NDUFAF6: variants seen among roughly 807,000 people sequenced by gnomAD.
The protein encoded by NDUFAF6 is NADH:ubiquinone oxidoreductase complex assembly factor 6.
A neutral mutation model predicts 40.8 loss-of-function variants in NDUFAF6; 45 were observed. The observed-to-expected ratio is 1.10, with a 90% CI of 0.87 to 1.42. The LOEUF is 1.42. Ranked by LOEUF, NDUFAF6 falls within the 40% of genes most tolerant of loss-of-function variation. The probability of loss-of-function intolerance (pLI) is 0.00; values close to 1 mark genes in which losing one functional copy is unlikely to be tolerated. For synonymous variants in NDUFAF6, 185 were observed against 155.9 expected, an observed-to-expected ratio of 1.19 and a Z score of -1.39; for missense variants, 435 against 418.5, an observed-to-expected ratio of 1.04 and a Z score of -0.34.
At chr8:95,075,821 A>G (rs1587241870) in exon 10 of NDUFAF6, 4 of 576,554 alleles carry the variant, frequency 6.9e-6, no homozygotes, top group African/African-American at 1.9e-5. Flanking sequence ...GAACACGCAC[A>G]CACTTCTCCT....
intron 1 of NDUFAF6, among the ~76,000 whole-genome samples, chr8:94,915,296 C>T (rs1259886550): frequency 6.6e-6 from 1 of 152,276 alleles, no homozygotes; most frequent in East Asian, 1.9e-4. Context: ...ATTTAGCTCT[C>T]ACTTATGAGT....
chr8:95,011,423 A>C (rs1563787916), intron 2 of NDUFAF6, among the ~76,000 whole-genome samples: 1 of 152,050 alleles, frequency 6.6e-6, no homozygotes, highest in African/African-American at 2.4e-5. Context: ...TGAACATGTC[A>C]CTCCCTTAAT....
At chr8:94,902,249 T>TCTAAAAAA (rs58774694) in intron 1 of NDUFAF6, among the ~76,000 whole-genome samples, 116,743 of 151,170 alleles carry the variant, frequency 0.77, 45,224 homozygotes, top group Middle Eastern at 0.84. Context: ...TGAAACTCTA[T>TCTAAAAAA]CAAAAAAACA....
chr8:94,910,951 A>G (rs1332223957), intron 1 of NDUFAF6, among the ~76,000 whole-genome samples: 2 of 152,214 alleles, frequency 1.3e-5, no homozygotes, highest in Non-Finnish European at 2.9e-5. Context: ...AAAAGCTGTG[A>G]TACATTCGTA....
At chr8:95,092,578 C>CTTT (rs528845192) in intron 2 of NDUFAF6, among the ~76,000 whole-genome samples, 22 of 77,814 alleles carry the variant, frequency 2.8e-4, no homozygotes, top group Non-Finnish European at 3.1e-4. Flanking sequence ...CTCACGAAGC[C>CTTT]TTTTTTTTTT....
At chr8:94,914,197 G>A (rs994969339) in intron 1 of NDUFAF6, among the ~76,000 whole-genome samples, 1 of 148,158 alleles carries the variant, frequency 6.7e-6, no homozygotes, top group African/African-American at 2.5e-5. Context: ...ATTTGATGTC[G>A]GTTTTATAGT....
rs201088736 is a variant in NDUFAF6 at position 95,045,599 on chromosome 8, G to C, written c.532G>C (p.Ala178Pro). The change falls in exon 5 of 9, where the codon GCT becomes CCT. Residue 178 changes from alanine to proline, a missense_variant. Physicochemically the swap from Ala to Pro is conservative, Grantham distance 27. Coordinates refer to ENST00000396124, the MANE Select transcript of NDUFAF6 (RefSeq NM_152416.4). ...TAATATCAAGGAACTGGAAAATTAT[G>C]CTGAAAACACACAGAGCTCTCTTCT... ...YRNIKELENY[A>P]ENTQSSLLYL... 160 of 1,613,410 alleles carry C rather than the reference G, an allele frequency of 9.9e-5. No individual in the cohort carries two copies. The highest frequency in any genetic ancestry group is 1.6e-4 in the Middle Eastern group (1 of 6,078).
intron 1 of NDUFAF6, among the ~76,000 whole-genome samples, chr8:95,031,492 A>T (rs1017893686): frequency 6.6e-6 from 1 of 152,248 alleles, no homozygotes; most frequent in African/African-American, 2.4e-5. Context: ...TACATAAGTC[A>T]TAGTAAATTG....
rs117324034 is a variant in NDUFAF6, at chr8:94,967,063, G to C, written c.-199+8884G>C. The stretch of plus-strand genomic sequence containing the variant: ...TAGACCATTGTAATCTCTACCATAA[G>C]GGGGTAGGCAGAAGAAAGAAAAAAA... On this transcript the variant is annotated intron_variant, in intron 1 of 9. Coordinates refer to the NDUFAF6 transcript ENST00000396111. Among the ~76,000 whole-genome samples, 353 of 152,282 alleles carry C rather than the reference G, an allele frequency of 2.3e-3. 2 individuals carry two copies. Among genetic ancestry groups the C allele is most frequent in the Non-Finnish European group, 4.0e-3 (271 of 68,032 alleles).
intron 2 of NDUFAF6, among the ~76,000 whole-genome samples, chr8:95,092,189 T>C (rs1366378074): frequency 2.0e-5 from 3 of 151,140 alleles, no homozygotes; most frequent in African/African-American, 4.9e-5. Context: ...CACAATTTTT[T>C]TTTTTTTTTG....
At chr8:95,106,741 A>G (rs898508539), downstream of NDUFAF6, among the ~76,000 whole-genome samples, 3 of 152,200 alleles carry the variant, frequency 2.0e-5, no homozygotes, top group African/African-American at 7.2e-5. Flanking sequence ...CATCTGACAA[A>G]GGGCTAATAT....
chr8:94,964,952 C>T (rs1364803267), intron 1 of NDUFAF6, among the ~76,000 whole-genome samples: 5 of 152,204 alleles, frequency 3.3e-5, no homozygotes, highest in Non-Finnish European at 7.3e-5. Context: ...TCTCTTTCCT[C>T]TTCTCAGGTC....
chr8:95,007,660 T>G (rs558925702), intron 2 of NDUFAF6, among the ~76,000 whole-genome samples: 110 of 58,582 alleles, frequency 1.9e-3, no homozygotes, highest in Admixed American at 1.5e-3. Flanking sequence ...TGAGGCTCTG[T>G]TTTTTTTTTT....
At chr8:95,093,029 C>T (rs1217396332) in intron 2 of NDUFAF6, among the ~76,000 whole-genome samples, 1 of 151,452 alleles carries the variant, frequency 6.6e-6, no homozygotes, top group Non-Finnish European at 1.5e-5. Context: ...AAAACATATG[C>T]CGAGTTCCCT....
chr8:94,998,341 TCC>T (rs1826552781), intron 2 of NDUFAF6, among the ~76,000 whole-genome samples: 1 of 151,910 alleles, frequency 6.6e-6, no homozygotes, highest in Non-Finnish European at 1.5e-5. Flanking sequence ...GTTACCCATT[TCC>T]TTTGTATTCT....
chr8:95,105,348 C>CCCTGAATT (rs1274018686), downstream of NDUFAF6, among the ~76,000 whole-genome samples: 2 of 134,596 alleles, frequency 1.5e-5, no homozygotes, highest in Non-Finnish European at 3.1e-5. Flanking sequence ...TAAAAAGTGA[C>CCCTGAATT]CCTGAATTTA....
At chr8:95,099,898 T>C (rs919583105), upstream of NDUFAF6, among the ~76,000 whole-genome samples, 1 of 152,244 alleles carries the variant, frequency 6.6e-6, no homozygotes, top group Non-Finnish European at 1.5e-5. Flanking sequence ...CCTTCATTAA[T>C]GGAAGTTTAG....
At chr8:94,932,045 A>G (rs1022581299) in intron 1 of NDUFAF6, 1 of 1,603,562 alleles carries the variant, frequency 6.2e-7, no homozygotes, top group African/African-American at 1.3e-5. Context: ...CATATATCAC[A>G]CAGTCTCAAA....
intron 1 of NDUFAF6, chr8:94,929,896 T>C (rs1222409142): frequency 6.5e-6 from 1 of 153,006 alleles, no homozygotes; most frequent in East Asian, 1.9e-4. Context: ...ATGAACTGTA[T>C]GACTAATCTG....
Sources: gnomAD v4.1 joint callset for allele counts (sites outside exome capture counted in the v4.1 genomes callset) on GRCh38, gnomAD v4.1.1 for gene constraint, MANE v1.5 for transcripts, NCBI Gene and HGNC (gene_info 2026-07-23, HGNC 2026-07-21) for gene names.